The following SYTL2 variants were observed in gnomAD, a reference collection of about 807,000 sequenced individuals.
SYTL2 encodes synaptotagmin like 2.
In SYTL2, 165 loss-of-function variants were observed where a neutral mutation model predicts 198.7. The ratio of observed to expected loss-of-function variants is 0.83; its 90% CI spans 0.73 to 0.94. The LOEUF is 0.94. Ranked by LOEUF, SYTL2 falls within the 40% of genes least tolerant of loss-of-function variation. The pLI is 0.00. For synonymous variants in SYTL2, 966 were observed against 917.7 expected (o/e 1.05, Z -0.95); for missense variants, 2,835 against 2,582.8 (o/e 1.10, Z -2.12).
the SYTL2 span, among the ~76,000 whole-genome samples, chr11:85,822,368 C>T: frequency 6.6e-6 from 1 of 152,198 alleles, no homozygotes; most frequent in Non-Finnish European, 1.5e-5. Context: ...ATCTATAAGA[C>T]TGGATCTTAC....
intron 1 of SYTL2, among the ~76,000 whole-genome samples, chr11:85,790,906 G>C (rs1262251837): frequency 6.6e-6 from 1 of 152,090 alleles, no homozygotes; most frequent in Non-Finnish European, 1.5e-5. Context: ...GCTCATGTCT[G>C]TAATCCCAAC....
chr11:85,712,145 C>T (rs1025693550), intron 12 of SYTL2, among the ~76,000 whole-genome samples: 7 of 152,054 alleles, frequency 4.6e-5, no homozygotes, highest in African/African-American at 1.7e-4. Context: ...TATTCCAGGA[C>T]CATGCAATTA....
intron 7 of SYTL2, among the ~76,000 whole-genome samples, chr11:85,732,090 A>G (rs1055943217): frequency 3.9e-5 from 6 of 152,168 alleles, no homozygotes; most frequent in African/African-American, 1.4e-4. Flanking sequence ...AAGTCAGGAA[A>G]CAACCGATGC....
intron 1 of SYTL2, among the ~76,000 whole-genome samples, chr11:85,777,751 G>A (rs1031523531): frequency 7.2e-6 from 1 of 139,744 alleles, no homozygotes; most frequent in African/African-American, 2.6e-5. Context: ...GACACAAGAA[G>A]AGTAAAACTT....
chr11:85,789,312 ATG>A lies in SYTL2; in HGVS notation c.-390+21640_-390+21641del, dbSNP rs1233743341. On this transcript the variant is annotated intron_variant, in intron 1 of 19. Transcript: ENST00000359152. ...ATATATATATTTATTTATTTATATG[ATG>A]TGTGTGTGTATGTGTGTGTGTGTGT... Among the ~76,000 whole-genome samples the A allele has an allele frequency of 1.0e-3, 93 of 92,912 alleles. 1 individual carries two copies. The highest frequency in any genetic ancestry group is 4.5e-3 in the Admixed American group (37 of 8,148). The allele number at this position is 92,912 out of a possible 152,430, so 61.0% of individuals were successfully genotyped here. A position where few individuals can be genotyped will look rare whatever the true frequency, so the allele number is the denominator to read the frequency against.
Position 85,718,679 on chromosome 11 carries a change from T to A in SYTL2, c.5482+111A>T, listed in dbSNP as rs569770309. The A allele has an allele frequency of 1.1e-5, 10 of 880,896 alleles. No individual in the cohort carries two copies. The African/African-American group carries it at 1.5e-4, about 13-fold the overall frequency. The allele number at this position is 880,896 out of a possible 1,614,324, so 54.6% of individuals were successfully genotyped here. A position where few individuals can be genotyped will look rare whatever the true frequency, so the allele number is the denominator to read the frequency against. On this transcript the variant is annotated intron_variant, in intron 10 of 19. Transcript: ENST00000359152. ...AGTAACTTAGGCACTATTCACCACA[T>A]AGTGGCAAATGACGTTCTTCTGTTT... is the stretch of plus-strand genomic sequence containing the variant.
At chr11:85,814,761 T>A (rs183550140), upstream of SYTL2, among the ~76,000 whole-genome samples, 7 of 152,322 alleles carry the variant, frequency 4.6e-5, no homozygotes, top group South Asian at 6.2e-4. Flanking sequence ...TAAATATTTA[T>A]TGGTAGCATA....
upstream of SYTL2, among the ~76,000 whole-genome samples, chr11:85,815,622 C>A (rs554621281): frequency 6.6e-6 from 1 of 152,114 alleles, no homozygotes; most frequent in Non-Finnish European, 1.5e-5. Flanking sequence ...ATGTAGGAAG[C>A]GCAGCTATTA....
chr11:85,726,524 A>G lies in SYTL2; in HGVS notation c.2834T>C (p.Leu945Ser), dbSNP rs754529803. 26 of 1,603,790 alleles carry G rather than the reference A, an allele frequency of 1.6e-5. No individual in the cohort carries two copies. In the East Asian group the frequency reaches 5.6e-4, roughly 34 times the overall value. ...ACGAACTAGAGGTCTGTCTTTCTCC[A>G]ATGGAGCATGTCGTTCACTCCCGAC... The part of the protein sequence containing the change: ...SNVGSERHAP[L>S]EKDRPLVRES... Residue 945 changes from leucine to serine, a missense_variant, in exon 8 of 20, where the codon TTG (leucine) becomes TCG (serine). Transcript: ENST00000359152.
At chr11:85,847,208 T>C in the SYTL2 span, among the ~76,000 whole-genome samples, 1 of 152,170 alleles carries the variant, frequency 6.6e-6, no homozygotes, top group African/African-American at 2.4e-5. Context: ...TCCTGCCCCC[T>C]TGCAGTCAAT....
the SYTL2 span, among the ~76,000 whole-genome samples, chr11:85,838,607 G>C: frequency 6.6e-6 from 1 of 152,110 alleles, no homozygotes; most frequent in African/African-American, 2.4e-5. Flanking sequence ...AAGTGCGAGA[G>C]AGTGCCAGGG....
chr11:85,696,079 A>G (rs1051340418), intron 19 of SYTL2, 104 bp downstream of exon 19: 9 of 871,602 alleles, frequency 1.0e-5, no homozygotes, highest in Non-Finnish European at 1.7e-5. Context: ...ATCTGTTTTC[A>G]GGATATCTCG....
chr11:85,846,530 C>T, the SYTL2 span, among the ~76,000 whole-genome samples: 4 of 152,012 alleles, frequency 2.6e-5, no homozygotes, highest in Admixed American at 6.6e-5. Flanking sequence ...CAGGTCCAAG[C>T]GATTCTCCTG....
chr11:85,788,123 G>T (rs2092667506), intron 1 of SYTL2, among the ~76,000 whole-genome samples: 1 of 152,114 alleles, frequency 6.6e-6, no homozygotes, highest in South Asian at 2.1e-4. Context: ...ATGGTTCCAG[G>T]GTCCAGTTTT....
intron 9 of SYTL2, chr11:85,719,369 G>A: frequency 9.1e-7 from 1 of 1,103,226 alleles, no homozygotes; most frequent in Admixed American, 4.5e-5. Context: ...TTGGAAGGGA[G>A]CGTGCAGGAA....
chr11:85,770,115 C>A (rs2092325943), intron 1 of SYTL2, among the ~76,000 whole-genome samples: 1 of 152,146 alleles, frequency 6.6e-6, no homozygotes. Flanking sequence ...CACAGTCATG[C>A]TCAGGGTGTG....
chr11:85,772,279 G>A (rs796737886), intron 1 of SYTL2, among the ~76,000 whole-genome samples: 3 of 152,348 alleles, frequency 2.0e-5, no homozygotes, highest in African/African-American at 7.2e-5. Context: ...CAGTCTAGAA[G>A]AAATGAAGAA....
chr11:85,815,935 T>C (rs1016529562), upstream of SYTL2, among the ~76,000 whole-genome samples: 9 of 152,114 alleles, frequency 5.9e-5, no homozygotes, highest in Non-Finnish European at 1.3e-4. Flanking sequence ...AAGCCAGGGC[T>C]GGTGGATTGC....
the SYTL2 span, among the ~76,000 whole-genome samples, chr11:85,827,057 G>A: frequency 6.6e-6 from 1 of 152,216 alleles, no homozygotes; most frequent in Non-Finnish European, 1.5e-5. Context: ...GATCAGCATG[G>A]AATACTATTA....
Sources: allele counts gnomAD v4.1 joint callset (sites outside exome capture counted in the v4.1 genomes callset), GRCh38; gene constraint gnomAD v4.1.1; transcripts MANE v1.5; gene names NCBI Gene and HGNC (gene_info 2026-07-23, HGNC 2026-07-21).